Variants in RAB10 observed in about 807,000 individuals in gnomAD.
The protein encoded by RAB10 is RAB10, member RAS oncogene family.
A neutral mutation model predicts 25.7 loss-of-function variants in RAB10; 5 were observed. The ratio of observed to expected loss-of-function variants is 0.19; its 90% CI spans 0.10 to 0.41. The LOEUF is 0.41. Ranked by LOEUF, RAB10 falls within the 10% of genes least tolerant of loss-of-function variation. RAB10 has a pLI of 1.00. For synonymous variants in RAB10, 89 were observed against 86.4 expected, an observed-to-expected ratio of 1.03 and a Z score of -0.16; for missense variants, 103 against 245.8, an observed-to-expected ratio of 0.42 and a Z score of 3.89.
At chr2:26,048,042 T>C (rs1340375442) in intron 1 of RAB10, among the ~76,000 whole-genome samples, 1 of 151,822 alleles carries the variant, frequency 6.6e-6, no homozygotes, top group Non-Finnish European at 1.5e-5. Flanking sequence ...CATTAGTTTT[T>C]TTTTTTTTTT....
At chr2:26,113,763 AAG>A (rs1667629165) in intron 3 of RAB10, among the ~76,000 whole-genome samples, 1 of 151,504 alleles carries the variant, frequency 6.6e-6, no homozygotes, top group Admixed American at 6.6e-5. Context: ...AAAAAAAAGA[AAG>A]AAAGAAAAAA....
At chr2:26,060,319 G>A (rs1284472663) in intron 1 of RAB10, among the ~76,000 whole-genome samples, 1 of 152,056 alleles carries the variant, frequency 6.6e-6, no homozygotes, top group East Asian at 1.9e-4. Flanking sequence ...TTCAGACGGA[G>A]TCTCGCTCTG....
chr2:26,048,755 G>C (rs1000455147), intron 1 of RAB10, among the ~76,000 whole-genome samples: 11 of 152,164 alleles, frequency 7.2e-5, no homozygotes, highest in African/African-American at 2.7e-4. Flanking sequence ...TGCACCTGTA[G>C]TTTCAGCTAT....
At chr2:26,114,213 T>TC (rs939504459) in intron 3 of RAB10, among the ~76,000 whole-genome samples, 33 of 151,736 alleles carry the variant, frequency 2.2e-4, no homozygotes, top group Admixed American at 3.9e-4. Flanking sequence ...TTTTAAAAAT[T>TC]CCCCCCCGTA....
At chr2:26,049,732 C>T (rs987116515) in intron 1 of RAB10, among the ~76,000 whole-genome samples, 4 of 152,048 alleles carry the variant, frequency 2.6e-5, no homozygotes, top group Non-Finnish European at 5.9e-5. Context: ...AATCTCATCC[C>T]GCTCTCTGTT....
chr2:26,056,260 G>A (rs1261677354), intron 1 of RAB10, among the ~76,000 whole-genome samples: 4 of 151,904 alleles, frequency 2.6e-5, no homozygotes, highest in African/African-American at 7.3e-5. Flanking sequence ...GTGCAGTGGC[G>A]TGATCTCGGC....
At chr2:26,100,033 TAGTTTATTTCAAATC>T (rs1440397577) in intron 2 of RAB10, among the ~76,000 whole-genome samples, 1 of 152,174 alleles carries the variant, frequency 6.6e-6, no homozygotes, top group African/African-American at 2.4e-5. Context: ...AGGCAATCAA[TAGTTTATTTCAAATC>T]AGGGAACAGG....
intron 3 of RAB10, among the ~76,000 whole-genome samples, chr2:26,114,213 TC>T (rs939504459): frequency 4.0e-5 from 6 of 151,620 alleles, no homozygotes; most frequent in Admixed American, 1.3e-4. Flanking sequence ...TTTTAAAAAT[TC>T]CCCCCCGTAG....
intron 3 of RAB10, among the ~76,000 whole-genome samples, chr2:26,110,886 A>T (rs986989060): frequency 1.3e-5 from 2 of 151,998 alleles, no homozygotes; most frequent in Non-Finnish European, 1.5e-5. Flanking sequence ...TTGTATTTGT[A>T]GTAGAGATGG....
At chr2:26,102,315 G>A (rs915677079) in intron 2 of RAB10, among the ~76,000 whole-genome samples, 2 of 151,582 alleles carry the variant, frequency 1.3e-5, no homozygotes, top group Non-Finnish European at 2.9e-5. Context: ...CTAGTGTGTA[G>A]TACTTAATAA....
At chr2:26,117,875 T>C (rs761049244) in intron 3 of RAB10, among the ~76,000 whole-genome samples, 8 of 152,178 alleles carry the variant, frequency 5.3e-5, no homozygotes, top group Non-Finnish European at 7.3e-5. Flanking sequence ...GCTATAGAGA[T>C]ATTTAGAGAA....
intron 1 of RAB10, among the ~76,000 whole-genome samples, chr2:26,075,743 T>C (rs900559417): frequency 2.0e-5 from 3 of 152,122 alleles, no homozygotes; most frequent in Admixed American, 2.0e-4. Flanking sequence ...AATCAACAAG[T>C]CTTGAATTCT....
chr2:26,043,648 G>A (rs1222155060), intron 1 of RAB10, among the ~76,000 whole-genome samples: 1 of 152,170 alleles, frequency 6.6e-6, no homozygotes, highest in Non-Finnish European at 1.5e-5. Context: ...AGTTTACTAA[G>A]TAAAATGAGT....
chr2:26,128,612 T>TTTAAG (rs1667950294), intron 5 of RAB10, among the ~76,000 whole-genome samples: 1 of 42,306 alleles, frequency 2.4e-5, no homozygotes, highest in Admixed American at 2.1e-4. Context: ...TTTAGGAAAT[T>TTTAAG]TTAAGAAATG....
chr2:26,114,252 T>C (rs142758462), intron 3 of RAB10, among the ~76,000 whole-genome samples: 2 of 152,086 alleles, frequency 1.3e-5, no homozygotes, highest in African/African-American at 4.8e-5. Context: ...CTAAAACTAA[T>C]ATAGAAAGGC....
chr2:26,059,192 A>G (rs1005953557), intron 1 of RAB10, among the ~76,000 whole-genome samples: 36 of 152,234 alleles, frequency 2.4e-4, no homozygotes, highest in African/African-American at 8.4e-4. Flanking sequence ...GGAAATCTGT[A>G]CTTGATCATT....
chr2:26,047,117 T>C (rs1163348732), intron 1 of RAB10, among the ~76,000 whole-genome samples: 1 of 152,208 alleles, frequency 6.6e-6, no homozygotes, highest in African/African-American at 2.4e-5. Context: ...TGAAATTTGG[T>C]ACAATTTTGT....
At chr2:26,103,082 A>G (rs911156237) in intron 2 of RAB10, among the ~76,000 whole-genome samples, 1 of 152,208 alleles carries the variant, frequency 6.6e-6, no homozygotes, top group Admixed American at 6.5e-5. Flanking sequence ...GAAAACAACA[A>G]CAACAACTAC....
chr2:26,131,959 G>A (rs1046488651), intron 5 of RAB10, among the ~76,000 whole-genome samples: 4 of 152,188 alleles, frequency 2.6e-5, no homozygotes, highest in African/African-American at 9.7e-5. Flanking sequence ...TGTGTGTGTA[G>A]TACATAATCT....
Sources: allele counts gnomAD v4.1 joint callset (sites outside exome capture counted in the v4.1 genomes callset), GRCh38; gene constraint gnomAD v4.1.1; transcripts MANE v1.5; gene names NCBI Gene and HGNC (gene_info 2026-07-23, HGNC 2026-07-21).